FOXI3: variants seen among roughly 807,000 people sequenced by gnomAD.
The protein encoded by FOXI3 is forkhead box I3, also known as forkhead box protein I3.
FOXI3 carries 4 observed loss-of-function variants against 15.6 expected under a neutral mutation model. That is an observed-to-expected ratio of 0.26 (90% CI 0.13 to 0.59). The LOEUF is 0.59. Ranked by LOEUF, FOXI3 falls within the 20% of genes least tolerant of loss-of-function variation. The pLI is 0.90. For synonymous variants in FOXI3, 238 were observed against 244.4 expected, an observed-to-expected ratio of 0.97 and a Z score of 0.25; for missense variants, 489 against 548.2, an observed-to-expected ratio of 0.89 and a Z score of 1.08.
rs1325399701 is a variant in FOXI3, at chr2:88,452,463, C to CGGCGGT, written c.67_72dup (p.Thr23_Ala24dup). On this transcript the variant is annotated inframe_insertion, in exon 1 of 2. Transcript: ENST00000428390. ...GCTGCCGGGGGGGCGCCCGGGGCGG[C>CGGCGGT]GGCGGTGGCGGCGGGCGGGGGCAGG... 8.5e-6 allele frequency: 9 copies of CGGCGGT among 1,063,122 alleles called. No homozygotes were observed. Among genetic ancestry groups the CGGCGGT allele is most frequent in the Non-Finnish European group, 1.0e-5 (9 of 881,716 alleles). The allele number at this position is 1,063,122 out of a possible 1,614,324, so 65.9% of individuals were successfully genotyped here.
rs1417145883 is a variant in FOXI3, at chr2:88,452,071, G to A, written c.465C>T (p.Ala155=). Residue 155 remains alanine (A), a synonymous_variant, in exon 1 of 2, where the codon GCC becomes GCT. Transcript: ENST00000428390. The stretch of plus-strand genomic sequence containing the variant: ...GCTCGGGCGCGCTCTGAATGGCCAT[G>A]GCGATGAGCGCCGAATACGAGTAGG... ...RPPYSYSALI[A]MAIQSAPERK... is the part of the protein sequence containing the mutation. 1.3e-6 allele frequency: 2 copies of A among 1,577,572 alleles called. No individual in the cohort carries two copies. Among genetic ancestry groups the A allele is most frequent in the Non-Finnish European group, 1.7e-6 (2 of 1,162,086 alleles).
At position 88,452,448 on chromosome 2, in the gene FOXI3, GGGCGCCCGGGGC is replaced by G; in HGVS notation, c.76_87del (p.Ala26_Ala29del). The G allele has an allele frequency of 9.5e-7, 1 of 1,049,962 alleles. No homozygotes were observed. The highest frequency in any genetic ancestry group is 1.7e-5 in the African/African-American group (1 of 57,810). The allele number at this position is 1,049,962 out of a possible 1,614,324, so 65.0% of individuals were successfully genotyped here. On this transcript the variant is annotated inframe_deletion, in exon 1 of 2. Transcript: ENST00000428390. The stretch of plus-strand genomic sequence containing the variant: ...CCGTAAGGCGCCCTGGCTGCCGGGG[GGGCGCCCGGGGC>G]GGCGGCGGTGGCGGCGGGCGGGGGC...
rs752237456 is a variant in FOXI3, at chr2:88,447,317, C to T, written c.*890G>A. ...CAAGGATTTGTGGTGTTGCCTAGGACAGTATGATAAACAACCAAAAAAAAA... is the reference window on the plus strand; with the variant it reads ...CAAGGATTTGTGGTGTTGCCTAGGATAGTATGATAAACAACCAAAAAAAAA... On this transcript the variant is annotated 3_prime_UTR_variant, in exon 2 of 2. Coordinates refer to ENST00000428390, the MANE Select transcript of FOXI3 (RefSeq NM_001135649.3). The T allele has an allele frequency of 3.9e-5, 6 of 152,072 alleles. No homozygotes were observed. The highest frequency in any genetic ancestry group is 8.8e-5 in the Non-Finnish European group (6 of 68,030). The allele number at this position is 152,072 out of a possible 1,614,324, so 9.4% of individuals were successfully genotyped here. A position where few individuals can be genotyped will look rare whatever the true frequency, so the allele number is the denominator to read the frequency against.
chr2:88,451,839 C>T (rs1479187199), intron 1 of FOXI3, 57 bp downstream of exon 1: 3 of 1,570,206 alleles, frequency 1.9e-6, no homozygotes, highest in African/African-American at 2.7e-5. Context: ...CCTGCGCCGG[C>T]CCTTGCGACC....
intron 1 of FOXI3, among the ~76,000 whole-genome samples, chr2:88,450,357 G>A (rs78969179): frequency 0.011 from 1,697 of 151,422 alleles, 35 homozygotes; most frequent in African/African-American, 0.039. Context: ...TTGAGCTGGT[G>A]AGGCAGAGGT....
Position 88,447,943 on chromosome 2 carries a change from A to T in FOXI3, c.*264T>A. 1.9e-6 allele frequency: 1 copy of T among 522,236 alleles called. No homozygotes were observed. The highest frequency in any genetic ancestry group is 3.2e-5 in the East Asian group (1 of 31,188). The allele number at this position is 522,236 out of a possible 1,614,324, so 32.4% of individuals were successfully genotyped here. A position where few individuals can be genotyped will look rare whatever the true frequency, so the allele number is the denominator to read the frequency against. Reference sequence around the variant, plus strand: ...CCCGCCCTCACGGGGCTCACAGGCTACCTATCACAGAAGACAGTGAAACGG... The same window carrying T: ...CCCGCCCTCACGGGGCTCACAGGCTTCCTATCACAGAAGACAGTGAAACGG... On this transcript the variant is annotated 3_prime_UTR_variant, in exon 2 of 2. Transcript: ENST00000428390.
chr2:88,449,911 G>A (rs1244196146), intron 1 of FOXI3, among the ~76,000 whole-genome samples: 1 of 152,082 alleles, frequency 6.6e-6, no homozygotes, highest in Non-Finnish European at 1.5e-5. Flanking sequence ...AGTTAGCCAT[G>A]ATAGTCAGGA....
Position 88,447,213 on chromosome 2 carries a change from G to C in FOXI3, c.*994C>G, listed in dbSNP as rs948445810. The C allele has an allele frequency of 5.3e-5, 8 of 152,190 alleles. No homozygotes were observed. Among genetic ancestry groups the C allele is most frequent in the African/African-American group, 1.7e-4 (7 of 41,434 alleles). 9.4% of individuals were successfully genotyped at this position (152,190 alleles called of 1,614,324 possible). A position where few individuals can be genotyped will look rare whatever the true frequency, so the allele number is the denominator to read the frequency against. ...CCGAGAACAGTGCCTGGCACACAAG[G>C]CTGCTTGTGCCATTTTATTGCCATT... On this transcript the variant is annotated 3_prime_UTR_variant, in exon 2 of 2. Coordinates refer to ENST00000428390, the MANE Select transcript of FOXI3 (RefSeq NM_001135649.3).
rs1321755909 is a variant in FOXI3, at chr2:88,452,030, C to G, written c.506G>C (p.Ser169Thr). 2 of 1,604,236 alleles carry G rather than the reference C, an allele frequency of 1.2e-6. No homozygotes were observed. The highest frequency in any genetic ancestry group is 8.5e-7 in the Non-Finnish European group (1 of 1,175,412). Reference sequence around the variant, plus strand: ...ATCGGCGACGAACTGGTAGATGTGGCTGAGAGTGAGTTTGCGCTCGGGCGC... The same window carrying G: ...ATCGGCGACGAACTGGTAGATGTGGGTGAGAGTGAGTTTGCGCTCGGGCGC... ...QSAPERKLTL[S>T]HIYQFVADSF... The change falls in exon 1 of 2, where the codon AGC becomes ACC. Residue 169 changes from serine to threonine, a missense_variant. Coordinates refer to ENST00000428390, the MANE Select transcript of FOXI3 (RefSeq NM_001135649.3).
intron 1 of FOXI3, among the ~76,000 whole-genome samples, chr2:88,449,105 A>G (rs1675998250): frequency 6.6e-6 from 1 of 152,136 alleles, no homozygotes. Flanking sequence ...TTATAATTAA[A>G]TCATGTAACA....
At position 88,448,711 on chromosome 2, in the gene FOXI3, C is replaced by T. The variant is rs1180152966; in HGVS notation, c.759G>A (p.Gly253=). 6 of 1,551,796 alleles carry T rather than the reference C, an allele frequency of 3.9e-6. No homozygotes were observed. Among genetic ancestry groups the T allele is most frequent in the Non-Finnish European group, 5.2e-6 (6 of 1,147,024 alleles). The change falls in exon 2 of 2, where the codon GGG becomes GGA. Residue 253 remains glycine (G), a synonymous_variant. Transcript: ENST00000428390. ...EASNGSTVAA[G]TSKSEEGLSS... is the part of the protein sequence containing the mutation. ...AGAGCCCTTCTTCGGACTTTGATGTCCCAGCAGCCACTGTGGAGCCATTGC... is the reference window on the plus strand; with the variant it reads ...AGAGCCCTTCTTCGGACTTTGATGTTCCAGCAGCCACTGTGGAGCCATTGC...
chr2:88,452,008 G>C lies in FOXI3; in HGVS notation c.528C>G (p.Ala176=), dbSNP rs764954232. The C allele has an allele frequency of 6.2e-7, 1 of 1,609,638 alleles. No homozygotes were observed. The highest frequency in any genetic ancestry group is 1.7e-5 in the Admixed American group (1 of 59,270). Residue 176 remains alanine (A), a synonymous_variant, in exon 1 of 2, where the codon GCC becomes GCG. Coordinates refer to ENST00000428390, the MANE Select transcript of FOXI3 (RefSeq NM_001135649.3). ...TGCGCTGGTAGAAGGGGAAGCTATC[G>C]GCGACGAACTGGTAGATGTGGCTGA... The part of the protein sequence containing the change: ...LTLSHIYQFV[A]DSFPFYQRSK...
Position 88,452,008 on chromosome 2 carries a change from G to A in FOXI3, c.528C>T (p.Ala176=), listed in dbSNP as rs764954232. Residue 176 remains alanine, a synonymous_variant, in exon 1 of 2, where the codon GCC becomes GCT. Coordinates refer to ENST00000428390, the MANE Select transcript of FOXI3 (RefSeq NM_001135649.3). ...LTLSHIYQFV[A]DSFPFYQRSK... is the part of the protein sequence containing the mutation. Reference sequence around the variant, plus strand: ...TGCGCTGGTAGAAGGGGAAGCTATCGGCGACGAACTGGTAGATGTGGCTGA... The same window carrying A: ...TGCGCTGGTAGAAGGGGAAGCTATCAGCGACGAACTGGTAGATGTGGCTGA... 2.5e-6 allele frequency: 4 copies of A among 1,609,756 alleles called. No individual in the cohort carries two copies. Among genetic ancestry groups the A allele is most frequent in the Non-Finnish European group, 3.4e-6 (4 of 1,178,038 alleles).
intron 1 of FOXI3, 76 bp downstream of exon 1, chr2:88,451,820 A>G (rs1398123667): frequency 6.5e-6 from 10 of 1,547,070 alleles, no homozygotes; most frequent in Non-Finnish European, 7.9e-6. Context: ...TTCCAGCCGC[A>G]CACCGACCCC....
chr2:88,450,381 C>T (rs894131012), intron 1 of FOXI3, among the ~76,000 whole-genome samples: 2 of 150,098 alleles, frequency 1.3e-5, no homozygotes, highest in Non-Finnish European at 1.5e-5. Context: ...AGTGAGATTG[C>T]GCCACTGCAC....
At position 88,452,549 on chromosome 2, in the gene FOXI3, G is replaced by A; in HGVS notation, c.-14C>T. ...GTAGAGGGCCATGTCGGCGGCCGTG[G>A]GCGGCTGCGGCGCGGCCGCGGCGAG... On this transcript the variant is annotated 5_prime_UTR_variant, in exon 1 of 2. Transcript: ENST00000428390. The A allele has an allele frequency of 9.2e-7, 1 of 1,082,494 alleles. No individual in the cohort carries two copies. The highest frequency in any genetic ancestry group is 1.1e-6 in the Non-Finnish European group (1 of 892,678). 67.1% of individuals were successfully genotyped at this position (1,082,494 alleles called of 1,614,324 possible). A position where few individuals can be genotyped will look rare whatever the true frequency, so the allele number is the denominator to read the frequency against.
rs1558611870 is a variant in FOXI3, at chr2:88,451,924, C to T, written c.612G>A (p.Lys204=). ...GGTCGTCCTCGTCGCGGGGCACCTT[C>T]TTGAAGCAGTCGTTGAGCGACAGGT... ...RHNLSLNDCF[K]KVPRDEDDPG... The change falls in exon 1 of 2, where the codon AAG becomes AAA. Residue 204 remains lysine (K), a synonymous_variant. Coordinates refer to ENST00000428390, the MANE Select transcript of FOXI3 (RefSeq NM_001135649.3). 6.2e-7 allele frequency: 1 copy of T among 1,613,698 alleles called. No homozygotes were observed. The highest frequency in any genetic ancestry group is 2.2e-5 in the East Asian group (1 of 44,858).
chr2:88,447,837 T>C lies in FOXI3; in HGVS notation c.*370A>G, dbSNP rs1675964125. ...TTAGTTTTCTCACCCAGTAACTTCGTTGGCTTGTGTTTTTTTAGCCATCTG... is the reference window on the plus strand; with the variant it reads ...TTAGTTTTCTCACCCAGTAACTTCGCTGGCTTGTGTTTTTTTAGCCATCTG... On this transcript the variant is annotated 3_prime_UTR_variant, in exon 2 of 2. Coordinates refer to ENST00000428390, the MANE Select transcript of FOXI3 (RefSeq NM_001135649.3). 9.2e-6 allele frequency: 2 copies of C among 217,368 alleles called. No individual in the cohort carries two copies. The highest frequency in any genetic ancestry group is 1.9e-4 in the East Asian group (2 of 10,514). 13.5% of individuals were successfully genotyped at this position (217,368 alleles called of 1,614,324 possible).
rs1265249899 is a variant in FOXI3 at position 88,448,328 on chromosome 2, G to T, written c.1142C>A (p.Ser381Tyr). The T allele has an allele frequency of 6.4e-7, 1 of 1,551,718 alleles. No individual in the cohort carries two copies. The highest frequency in any genetic ancestry group is 2.0e-5 in the Admixed American group (1 of 51,004). Reference sequence around the variant, plus strand: ...GCTGGCAGGGAAAGGGCTGTAATAGGAAGATCTCTGGCCGGTGCTATTGCT... The same window carrying T: ...GCTGGCAGGGAAAGGGCTGTAATAGTAAGATCTCTGGCCGGTGCTATTGCT... Reference protein sequence around the residue: ...STSNSTGQRSSYYSPFPASTS... With the variant: ...STSNSTGQRSYYYSPFPASTS... Residue 381 changes from serine to tyrosine, a missense_variant, in exon 2 of 2, where the codon TCC becomes TAC. By Grantham distance (144) the Ser-to-Tyr change is moderately radical (BLOSUM62 -2). Around this residue, in one of 3 missense-constraint regions of FOXI3, gnomAD observed 263 missense variants for 285.5 expected, o/e 0.92. Coordinates refer to ENST00000428390, the MANE Select transcript of FOXI3 (RefSeq NM_001135649.3).
Sources: allele counts gnomAD v4.1 joint callset (sites outside exome capture counted in the v4.1 genomes callset), GRCh38; gene constraint gnomAD v4.1.1; regional missense constraint gnomAD v4.1.1; transcripts MANE v1.5; gene names NCBI Gene and HGNC (gene_info 2026-07-23, HGNC 2026-07-21).